Variants in DGKI observed in about 807,000 individuals in gnomAD.
DGKI encodes DAG kinase iota.
A neutral mutation model predicts 147.5 loss-of-function variants in DGKI; 55 were observed. That is an observed-to-expected ratio of 0.37 (90% CI 0.30 to 0.47). The LOEUF (loss-of-function observed/expected upper bound fraction) is 0.47. Among genes scored for constraint, DGKI ranks in the 20% least tolerant of loss-of-function variants. DGKI has a pLI of 1.00. For synonymous variants in DGKI, 469 were observed against 477.1 expected (o/e 0.98, Z 0.22); for missense variants, 1,007 against 1,323.8 (o/e 0.76, Z 3.71).
intron 3 of DGKI, among the ~76,000 whole-genome samples, chr7:137,672,468 C>A (rs967297879): frequency 6.6e-6 from 1 of 152,210 alleles, no homozygotes; most frequent in Non-Finnish European, 1.5e-5. Flanking sequence ...CACTTTTCCA[C>A]TGAATACTAA....
chr7:137,414,695 T>A (rs530403594), intron 28 of DGKI, among the ~76,000 whole-genome samples: 1 of 152,104 alleles, frequency 6.6e-6, no homozygotes. Flanking sequence ...GTGCCCCCAT[T>A]GAGTTCATCA....
At chr7:137,396,049 C>T (rs907099962) in intron 31 of DGKI, 1 of 183,774 alleles carries the variant, frequency 5.4e-6, no homozygotes, top group Non-Finnish European at 1.1e-5. Context: ...TCTGTGCATA[C>T]ATTTGAGCAG....
chr7:137,393,907 G>A (rs898655822), intron 32 of DGKI, among the ~76,000 whole-genome samples: 1 of 152,072 alleles, frequency 6.6e-6, no homozygotes, highest in Admixed American at 6.5e-5. Context: ...GGAGGCCCCA[G>A]GGAAAAAAAT....
At chr7:137,509,157 C>T (rs1816488717) in intron 21 of DGKI, among the ~76,000 whole-genome samples, 1 of 152,154 alleles carries the variant, frequency 6.6e-6, no homozygotes, top group Admixed American at 6.5e-5. Flanking sequence ...AATGGGTTGG[C>T]AATTGACCAA....
intron 1 of DGKI, among the ~76,000 whole-genome samples, chr7:137,795,677 G>A (rs1204985527): frequency 1.3e-5 from 2 of 152,210 alleles, no homozygotes; most frequent in Non-Finnish European, 2.9e-5. Context: ...CAAGCTGTGA[G>A]TATTCCCAGG....
At chr7:137,691,423 C>T (rs1018366133) in intron 1 of DGKI, among the ~76,000 whole-genome samples, 1 of 152,144 alleles carries the variant, frequency 6.6e-6, no homozygotes, top group African/African-American at 2.4e-5. Context: ...GACTTCTCAA[C>T]CCCTTGGACT....
Position 137,419,963 on chromosome 7 carries a change from T to C in DGKI, c.2762-7756A>G, listed in dbSNP as rs947595816. ...TGACTTAAAACCCAATTATTTCTTTTGCTCAAAAATCTGCATTTGGGGCAG... is the reference window on the plus strand; with the variant it reads ...TGACTTAAAACCCAATTATTTCTTTCGCTCAAAAATCTGCATTTGGGGCAG... On this transcript the variant is annotated intron_variant, in intron 28 of 32. Transcript: ENST00000614521. Among the ~76,000 whole-genome samples the C allele has an allele frequency of 5.3e-5, 8 of 152,374 alleles. No homozygotes were observed. In the South Asian group the frequency reaches 1.2e-3, roughly 24 times the overall value.
chr7:137,465,325 A>G (rs2128926262), intron 26 of DGKI, among the ~76,000 whole-genome samples: 1 of 152,330 alleles, frequency 6.6e-6, no homozygotes, highest in Non-Finnish European at 1.5e-5. Flanking sequence ...AATGACTTTA[A>G]GTGCTTTACC....
At chr7:137,765,606 G>A (rs1037999671) in intron 1 of DGKI, among the ~76,000 whole-genome samples, 2 of 152,170 alleles carry the variant, frequency 1.3e-5, no homozygotes, top group South Asian at 4.1e-4. Flanking sequence ...GAGCCTTCCT[G>A]CAGAAACCGT....
chr7:137,618,242 A>G (rs1820617015), intron 8 of DGKI, among the ~76,000 whole-genome samples: 1 of 144,074 alleles, frequency 6.9e-6, no homozygotes, highest in Non-Finnish European at 1.5e-5. Flanking sequence ...AAAAAAAAAA[A>G]TTCCTCCACA....
Position 137,846,748 on chromosome 7 carries a change from CGCTGCAGGGGCCGGGCGG to C in DGKI, c.97_114del (p.Pro33_Ser38del). 9.8e-7 allele frequency: 1 copy of C among 1,015,360 alleles called. No homozygotes were observed. Among genetic ancestry groups the C allele is most frequent in the South Asian group, 4.4e-5 (1 of 22,494 alleles). The allele number at this position is 1,015,360 out of a possible 1,614,324, so 62.9% of individuals were successfully genotyped here. ...GCCGCGGAGGGAGCGCAGGCGGCGC[CGCTGCAGGGGCCGGGCGG>C]GCTGGCGGCGGCGGCGGCGGCGGCT... On this transcript the variant is annotated inframe_deletion, in exon 1 of 33. Transcript: ENST00000614521. This position sits in a 1 kb window ranked among gnomAD's most constrained non-coding sequence, Gnocchi z 4.0.
At chr7:137,743,919 GT>G (rs1408237850) in intron 1 of DGKI, among the ~76,000 whole-genome samples, 1 of 150,236 alleles carries the variant, frequency 6.7e-6, no homozygotes, top group Non-Finnish European at 1.5e-5. Flanking sequence ...GGAGGCAGAG[GT>G]TGCAGTGAGC....
intron 1 of DGKI, among the ~76,000 whole-genome samples, chr7:137,843,795 A>ACC (rs1554488534): frequency 2.1e-4 from 30 of 141,908 alleles, no homozygotes; most frequent in African/African-American, 5.9e-4. Context: ...ACACACACAC[A>ACC]CCCTCTCTCC....
chr7:137,815,582 T>C (rs1393134200), intron 1 of DGKI, among the ~76,000 whole-genome samples: 2 of 152,186 alleles, frequency 1.3e-5, no homozygotes, highest in African/African-American at 4.8e-5. Flanking sequence ...TTTATTAATA[T>C]TGAAAGACTA....
chr7:137,601,325 A>T (rs1819984767), intron 10 of DGKI, among the ~76,000 whole-genome samples: 1 of 152,206 alleles, frequency 6.6e-6, no homozygotes, highest in African/African-American at 2.4e-5. Context: ...AGCAATACCA[A>T]AAGAGCTTTA....
intron 3 of DGKI, among the ~76,000 whole-genome samples, chr7:137,677,560 T>C (rs1381715174): frequency 1.3e-5 from 2 of 152,216 alleles, no homozygotes; most frequent in Admixed American, 1.3e-4. Context: ...CTTTGTGCTT[T>C]TAGGCAGCCT....
intron 28 of DGKI, among the ~76,000 whole-genome samples, chr7:137,426,757 C>G (rs560599158): frequency 1.8e-3 from 270 of 151,286 alleles, no homozygotes; most frequent in African/African-American, 6.4e-3. Context: ...ATCCTAGTCT[C>G]TGATAAAACA....
chr7:137,486,172 A>T (rs1018699088), intron 22 of DGKI, among the ~76,000 whole-genome samples: 1 of 151,856 alleles, frequency 6.6e-6, no homozygotes, highest in African/African-American at 2.4e-5. Flanking sequence ...AGTTTTAAAA[A>T]TTTTTCCTCT....
At chr7:137,809,332 T>C (rs1296505877) in intron 1 of DGKI, among the ~76,000 whole-genome samples, 1 of 152,168 alleles carries the variant, frequency 6.6e-6, no homozygotes, top group African/African-American at 2.4e-5. Context: ...TCTAATTTAA[T>C]AGTGTAATCA....
Sources: gnomAD v4.1 joint callset for allele counts (sites outside exome capture counted in the v4.1 genomes callset) on GRCh38, gnomAD v4.1.1 for gene constraint, Gnocchi (gnomAD v3.1) non-coding constraint, MANE v1.5 for transcripts, NCBI Gene and HGNC (gene_info 2026-07-23, HGNC 2026-07-21) for gene names.